DPP10: variants seen among roughly 807,000 people sequenced by gnomAD.
DPP10 encodes the protein inactive dipeptidyl peptidase 10.
DPP10 carries 33 observed loss-of-function variants against 120.9 expected under a neutral mutation model. The ratio of observed to expected loss-of-function variants is 0.27; its 90% CI spans 0.21 to 0.37. The LOEUF (loss-of-function observed/expected upper bound fraction) is 0.37. DPP10 is among the 10% of genes least tolerant of loss of function. DPP10 has a pLI of 1.00. For missense variants in DPP10, 816 were observed against 942.8 expected (o/e 0.87, Z 1.76); for synonymous variants, 337 against 326.1 (o/e 1.03, Z -0.36).
intron 7 of DPP10, among the ~76,000 whole-genome samples, chr2:115,703,714 G>A (rs2091984228): frequency 6.6e-6 from 1 of 151,846 alleles, no homozygotes; most frequent in Non-Finnish European, 1.5e-5. Flanking sequence ...TGATCACATC[G>A]ACTAAATACC....
At chr2:114,612,382 T>C (rs1476791610) in intron 1 of DPP10, among the ~76,000 whole-genome samples, 1 of 152,160 alleles carries the variant, frequency 6.6e-6, no homozygotes, top group Non-Finnish European at 1.5e-5. Context: ...TAAGCAACCC[T>C]CCTTGCTGAC....
intron 1 of DPP10, among the ~76,000 whole-genome samples, chr2:114,516,260 G>T (rs1205877755): frequency 6.6e-6 from 1 of 152,178 alleles, no homozygotes; most frequent in Non-Finnish European, 1.5e-5. Context: ...GCTGTTATGG[G>T]CAAATTCGGG....
intron 3 of DPP10, among the ~76,000 whole-genome samples, chr2:115,373,236 T>G (rs144082151): frequency 1.3e-5 from 2 of 152,184 alleles, no homozygotes; most frequent in East Asian, 1.9e-4. Context: ...ATGAACTGTT[T>G]AGTAGGACAA....
At chr2:115,140,779 A>G (rs1380673047) in intron 1 of DPP10, among the ~76,000 whole-genome samples, 11 of 152,166 alleles carry the variant, frequency 7.2e-5, no homozygotes, top group Non-Finnish European at 1.3e-4. Context: ...TCTGATCCAC[A>G]TAATTAAAAG....
intron 4 of DPP10, among the ~76,000 whole-genome samples, chr2:115,513,273 A>G (rs1227018866): frequency 2.0e-5 from 3 of 151,830 alleles, no homozygotes; most frequent in African/African-American, 7.2e-5. Flanking sequence ...AGTGTCTTCA[A>G]TTTAGAATAT....
At chr2:114,648,544 G>A (rs907464532) in intron 1 of DPP10, among the ~76,000 whole-genome samples, 5 of 152,164 alleles carry the variant, frequency 3.3e-5, no homozygotes, top group African/African-American at 1.2e-4. Flanking sequence ...CAAGGAAATA[G>A]AGAATTTTTG....
chr2:115,570,577 C>T (rs11123311), intron 5 of DPP10, among the ~76,000 whole-genome samples: 54,149 of 152,046 alleles, frequency 0.36, 10,088 homozygotes, highest in African/African-American at 0.44. Context: ...CCTGCCATCT[C>T]GCTCTGTCAT....
chr2:115,554,597 A>C (rs1291400948), intron 5 of DPP10, among the ~76,000 whole-genome samples: 1 of 152,094 alleles, frequency 6.6e-6, no homozygotes, highest in Non-Finnish European at 1.5e-5. Context: ...GGAGATTTAC[A>C]TAATCTCATA....
intron 5 of DPP10, among the ~76,000 whole-genome samples, chr2:115,594,246 G>T (rs968784988): frequency 1.3e-5 from 2 of 152,108 alleles, no homozygotes; most frequent in Non-Finnish European, 2.9e-5. Context: ...AAATGAAACA[G>T]ATTCTTACTC....
intron 10 of DPP10, among the ~76,000 whole-genome samples, chr2:115,746,514 T>G (rs1677997670): frequency 6.6e-6 from 1 of 152,326 alleles, no homozygotes; most frequent in South Asian, 2.1e-4. Flanking sequence ...ACATTTTTTT[T>G]GAAGGTGTTC....
intron 1 of DPP10, among the ~76,000 whole-genome samples, chr2:114,576,092 T>C (rs781338536): frequency 6.6e-6 from 1 of 152,158 alleles, no homozygotes; most frequent in Non-Finnish European, 1.5e-5. Flanking sequence ...ACCCCCAATG[T>C]AGAGTTATAA....
intron 1 of DPP10, among the ~76,000 whole-genome samples, chr2:114,832,762 CAGAT>C (rs940331873): frequency 4.6e-5 from 7 of 151,816 alleles, no homozygotes; most frequent in African/African-American, 1.5e-4. Flanking sequence ...AAGGGATAAA[CAGAT>C]AGTAATATAA....
intron 3 of DPP10, among the ~76,000 whole-genome samples, chr2:115,420,987 G>T (rs898496466): frequency 6.6e-6 from 1 of 152,032 alleles, no homozygotes; most frequent in Non-Finnish European, 1.5e-5. Flanking sequence ...GATATATTTC[G>T]TAATCTTTCT....
chr2:114,545,235 G>A (rs1430111), intron 1 of DPP10, among the ~76,000 whole-genome samples: 133,483 of 152,096 alleles, frequency 0.88, 58,732 homozygotes, highest in East Asian at 1. Context: ...ATGAGATTTT[G>A]TGTATTTAAT....
chr2:115,494,491 A>G lies in DPP10; in HGVS notation c.272-5019A>G, dbSNP rs948795512. Among the ~76,000 whole-genome samples the G allele has an allele frequency of 2.8e-4, 43 of 152,210 alleles. No homozygotes were observed. In the East Asian group the frequency reaches 8.1e-3, roughly 29 times the overall value. ...GGATCCTGGGGCTCTTCAAAATATG[A>G]GGAAAGTTTAACATTGTTGTGAGCA... On this transcript the variant is annotated intron_variant, in intron 3 of 25. Transcript: ENST00000410059.
intron 17 of DPP10, among the ~76,000 whole-genome samples, chr2:115,784,902 A>G (rs1683160351): frequency 6.6e-6 from 1 of 152,208 alleles, no homozygotes; most frequent in Admixed American, 6.5e-5. Context: ...TAAATGGAGA[A>G]TATTATGACA....
chr2:115,765,888 A>T (rs1680643949), intron 12 of DPP10, among the ~76,000 whole-genome samples: 1 of 152,110 alleles, frequency 6.6e-6, no homozygotes, highest in African/African-American at 2.4e-5. Flanking sequence ...TTTATTACAT[A>T]TGTTACTTAT....
intron 1 of DPP10, among the ~76,000 whole-genome samples, chr2:115,049,964 T>C (rs545856022): frequency 6.6e-6 from 1 of 152,104 alleles, no homozygotes; most frequent in African/African-American, 2.4e-5. Flanking sequence ...ACCTATCAGG[T>C]TATAATAATT....
At chr2:114,833,754 G>T (rs1255016548) in intron 1 of DPP10, 1 of 152,182 alleles carries the variant, frequency 6.6e-6, no homozygotes, top group Non-Finnish European at 1.5e-5. Flanking sequence ...ATGCTGCATA[G>T]AACACGTTTA....
Sources: allele counts gnomAD v4.1 joint callset (sites outside exome capture counted in the v4.1 genomes callset), GRCh38; gene constraint gnomAD v4.1.1; transcripts MANE v1.5; gene names NCBI Gene and HGNC (gene_info 2026-07-23, HGNC 2026-07-21).